The following CSMD1 variants were observed in gnomAD, a reference collection of about 807,000 sequenced individuals.
CSMD1 encodes CUB and sushi domain-containing protein 1.
In CSMD1, 213 loss-of-function variants were observed where a neutral mutation model predicts 417.5. The observed-to-expected ratio is 0.51, with a 90% CI of 0.46 to 0.57. The LOEUF (loss-of-function observed/expected upper bound fraction) is 0.57, where lower values mean the gene tolerates loss of function less well. Ranked by LOEUF, CSMD1 falls within the 20% of genes least tolerant of loss-of-function variation. CSMD1 has a pLI of 0.00. For synonymous variants in CSMD1, 2,862 were observed against 1,736.8 expected, an observed-to-expected ratio of 1.65 and a Z score of -16.11; for missense variants, 6,923 against 4,529.7, an observed-to-expected ratio of 1.53 and a Z score of -15.17.
At chr8:4,415,865 C>T (rs1037359525) in intron 3 of CSMD1, among the ~76,000 whole-genome samples, 6 of 152,086 alleles carry the variant, frequency 3.9e-5, no homozygotes, top group Admixed American at 3.9e-4. Flanking sequence ...GTAATATATA[C>T]AAGAGGAAAC....
chr8:3,177,167 A>G (rs1419249307), intron 37 of CSMD1, among the ~76,000 whole-genome samples: 1 of 152,202 alleles, frequency 6.6e-6, no homozygotes, highest in Admixed American at 6.5e-5. Context: ...AAAGGCGACC[A>G]GAAAAGAATC....
intron 5 of CSMD1, among the ~76,000 whole-genome samples, chr8:3,772,956 T>C (rs770263021): frequency 9.9e-5 from 15 of 152,052 alleles, no homozygotes; most frequent in Admixed American, 7.9e-4. Flanking sequence ...AGGTTCACTA[T>C]CAAGGTGCCA....
intron 5 of CSMD1, among the ~76,000 whole-genome samples, chr8:3,861,253 G>A (rs1804687586): frequency 6.6e-6 from 1 of 152,158 alleles, no homozygotes; most frequent in Non-Finnish European, 1.5e-5. Context: ...GGAGACCAAC[G>A]TACTATGTAC....
chr8:3,924,866 T>C (rs1391191086), intron 5 of CSMD1, among the ~76,000 whole-genome samples: 1 of 152,204 alleles, frequency 6.6e-6, no homozygotes, highest in Non-Finnish European at 1.5e-5. Context: ...AATTCTCATT[T>C]CTTTAGGGTT....
chr8:4,761,380 GT>G, intron 1 of CSMD1, among the ~76,000 whole-genome samples: 1 of 151,804 alleles, frequency 6.6e-6, no homozygotes, highest in Admixed American at 6.6e-5. Context: ...TGGTGTGTGT[GT>G]GTGTATATAT....
At chr8:4,437,072 T>A (rs977258783) in intron 2 of CSMD1, among the ~76,000 whole-genome samples, 5 of 152,138 alleles carry the variant, frequency 3.3e-5, no homozygotes, top group African/African-American at 1.2e-4. Flanking sequence ...TGGGACAGGC[T>A]ATGGAAGAAC....
At chr8:3,074,162 G>A (rs1265066623) in intron 49 of CSMD1, among the ~76,000 whole-genome samples, 5 of 152,176 alleles carry the variant, frequency 3.3e-5, no homozygotes, top group Non-Finnish European at 5.9e-5. Context: ...GGCTCTCAGC[G>A]TCCAGAGGCC....
intron 5 of CSMD1, among the ~76,000 whole-genome samples, chr8:3,772,364 C>CATATGTACATATATTT: frequency 9.3e-6 from 1 of 107,560 alleles, no homozygotes; most frequent in Non-Finnish European, 1.9e-5. Flanking sequence ...TTTATATATA[C>CATATGTACATATATTT]ATATATACAT....
chr8:4,968,957 A>G (rs1810062743), intron 1 of CSMD1, among the ~76,000 whole-genome samples: 1 of 152,126 alleles, frequency 6.6e-6, no homozygotes, highest in African/African-American at 2.4e-5. Context: ...CACTCCATGA[A>G]TGTTCAAGCC....
chr8:4,469,314 A>G (rs562396348), intron 2 of CSMD1, among the ~76,000 whole-genome samples: 1 of 152,152 alleles, frequency 6.6e-6, no homozygotes. Context: ...CATTCTAACA[A>G]TTATTTTCGG....
chr8:4,063,258 TAC>T (rs1404772677), intron 3 of CSMD1, among the ~76,000 whole-genome samples: 9 of 148,418 alleles, frequency 6.1e-5, no homozygotes, highest in South Asian at 2.2e-4. Flanking sequence ...CATAAATATG[TAC>T]AGTTATTACA....
chr8:4,155,229 C>G (rs147008768), intron 3 of CSMD1, among the ~76,000 whole-genome samples: 2 of 152,054 alleles, frequency 1.3e-5, no homozygotes. Context: ...GACTGGGTCA[C>G]GCAAATGTTG....
At chr8:3,233,172 C>G (rs1585733533) in intron 26 of CSMD1, among the ~76,000 whole-genome samples, 2 of 152,042 alleles carry the variant, frequency 1.3e-5, no homozygotes, top group South Asian at 4.1e-4. Context: ...TCCTCAAAAA[C>G]TTACGTTGAA....
At chr8:3,148,499 T>A (rs903271351) in intron 40 of CSMD1, among the ~76,000 whole-genome samples, 1 of 152,130 alleles carries the variant, frequency 6.6e-6, no homozygotes, top group Non-Finnish European at 1.5e-5. Context: ...GGTTTGACAT[T>A]TGAAAACAAG....
At chr8:3,521,479 C>T (rs541429044) in intron 10 of CSMD1, among the ~76,000 whole-genome samples, 88 of 152,144 alleles carry the variant, frequency 5.8e-4, no homozygotes, top group Admixed American at 1.5e-3. Flanking sequence ...TAGCATTGTT[C>T]CTTGCTGTGG....
chr8:3,942,006 G>C (rs769461709), intron 5 of CSMD1, among the ~76,000 whole-genome samples: 1 of 151,998 alleles, frequency 6.6e-6, no homozygotes, highest in Admixed American at 6.6e-5. Flanking sequence ...CCTCCTGTCA[G>C]ACCAGCAGTG....
At chr8:3,230,380 C>G in intron 26 of CSMD1, 149 bp from the exon 27 acceptor site, 1 of 512,812 alleles carries the variant, frequency 2.0e-6, no homozygotes. Context: ...AGTTTCTTTT[C>G]CCAGGGGTAC....
intron 5 of CSMD1, among the ~76,000 whole-genome samples, chr8:3,785,841 G>A (rs148642162): frequency 1.3e-5 from 2 of 152,284 alleles, no homozygotes; most frequent in African/African-American, 2.4e-5. Flanking sequence ...ATTCCTGAGG[G>A]CTTTGGGAAG....
chr8:3,957,156 C>G (rs976736990), intron 5 of CSMD1, among the ~76,000 whole-genome samples: 1 of 152,000 alleles, frequency 6.6e-6, no homozygotes, highest in African/African-American at 2.4e-5. Flanking sequence ...CTACTTCACA[C>G]CCAGCTCTGC....
Sources: allele counts gnomAD v4.1 joint callset (sites outside exome capture counted in the v4.1 genomes callset), GRCh38; gene constraint gnomAD v4.1.1; transcripts MANE v1.5; gene names NCBI Gene and HGNC (gene_info 2026-07-23, HGNC 2026-07-21).